CDYL: variants seen among roughly 807,000 people sequenced by gnomAD.
CDYL encodes chromodomain Y-like protein.
CDYL carries 8 observed loss-of-function variants against 47.3 expected under a neutral mutation model. The ratio of observed to expected loss-of-function variants is 0.17; its 90% CI spans 0.10 to 0.31. CDYL has a LOEUF of 0.31. Among genes scored for constraint, CDYL ranks in the 10% least tolerant of loss-of-function variants. CDYL has a pLI of 1.00. For synonymous variants in CDYL, 266 were observed against 265.0 expected, an observed-to-expected ratio of 1.00 and a Z score of -0.04; for missense variants, 471 against 701.4, an observed-to-expected ratio of 0.67 and a Z score of 3.71.
chr6:4,809,291 G>A (rs1484652591), intron 1 of CDYL, among the ~76,000 whole-genome samples: 1 of 152,194 alleles, frequency 6.6e-6, no homozygotes, highest in African/African-American at 2.4e-5. Context: ...TTAAAAAATA[G>A]CCACTCCTTC....
chr6:4,937,084 C>T lies in CDYL; in HGVS notation c.949-481C>T, dbSNP rs189456174. ...TAATAAAATGCTTTTAGGCAGGGTG[C>T]GGTGGCTAATGCATGTAATCCCAGC... On this transcript the variant is annotated intron_variant, in intron 3 of 6. Coordinates refer to ENST00000397588, the MANE Select transcript of CDYL (RefSeq NM_004824.4). 5.3e-5 allele frequency among the ~76,000 whole-genome samples: 8 copies of T among 152,224 alleles called. No homozygotes were observed. In the East Asian group the frequency reaches 1.2e-3, roughly 22 times the overall value.
intron 2 of CDYL, among the ~76,000 whole-genome samples, chr6:4,934,466 T>G (rs1291084359): frequency 2.0e-5 from 3 of 152,240 alleles, no homozygotes; most frequent in Non-Finnish European, 4.4e-5. Context: ...TGGCTTTGGC[T>G]TATTCTCTTT....
At position 4,873,929 on chromosome 6, in the gene CDYL, C is replaced by T. The variant is rs568377223; in HGVS notation, c.25-17784C>T. On this transcript the variant is annotated intron_variant, in intron 1 of 6. Coordinates refer to ENST00000397588, the MANE Select transcript of CDYL (RefSeq NM_004824.4). ...GTTCCCGCCTTCTGCCTGTCTGTAC[C>T]TGGGTACACATGTGCGTGTCTTTTG... is the stretch of plus-strand genomic sequence containing the variant. Among the ~76,000 whole-genome samples, 11 of 152,320 alleles carry T rather than the reference C, an allele frequency of 7.2e-5. No individual in the cohort carries two copies. In the South Asian group the frequency reaches 1.4e-3, roughly 20 times the overall value.
chr6:4,788,663 C>T (rs1055871716), intron 1 of CDYL, among the ~76,000 whole-genome samples: 31 of 151,564 alleles, frequency 2.0e-4, no homozygotes, highest in African/African-American at 7.5e-4. Flanking sequence ...TTCCTGAGCC[C>T]TCACTCTCCT....
At chr6:4,723,748 C>T (rs1757421353) in intron 2 of CDYL, among the ~76,000 whole-genome samples, 1 of 152,216 alleles carries the variant, frequency 6.6e-6, no homozygotes, top group South Asian at 2.1e-4. Context: ...GGCACACAAA[C>T]AACACATAAG....
At chr6:4,731,362 A>G (rs1392107423) in intron 2 of CDYL, among the ~76,000 whole-genome samples, 1 of 152,198 alleles carries the variant, frequency 6.6e-6, no homozygotes, top group Non-Finnish European at 1.5e-5. Flanking sequence ...GTATTAAACT[A>G]CCTAAATAGC....
At chr6:4,753,822 T>G (rs931479605) in intron 3 of CDYL, among the ~76,000 whole-genome samples, 2 of 152,194 alleles carry the variant, frequency 1.3e-5, no homozygotes, top group African/African-American at 4.8e-5. Flanking sequence ...ATCTTATGAT[T>G]AAAGTATCAG....
chr6:4,825,640 A>G (rs1036145750), intron 1 of CDYL, among the ~76,000 whole-genome samples: 1 of 152,054 alleles, frequency 6.6e-6, no homozygotes, highest in Non-Finnish European at 1.5e-5. Flanking sequence ...TATTACATTG[A>G]TTGATTTTCT....
rs370951322 is a variant in CDYL at position 4,789,797 on chromosome 6, C to A, written c.24+12990C>A. ...CTTCTCACCTGCCCCTGGGTAGGGC[C>A]CCCGCAGCACTCCATGGAGTAATGG... is the stretch of plus-strand genomic sequence containing the variant. On this transcript the variant is annotated intron_variant, in intron 1 of 6. Coordinates refer to ENST00000397588, the MANE Select transcript of CDYL (RefSeq NM_004824.4). 7.9e-4 allele frequency among the ~76,000 whole-genome samples: 121 copies of A among 152,206 alleles called. 1 individual carries two copies. The highest frequency in any genetic ancestry group is 2.6e-3 in the African/African-American group (106 of 41,440).
chr6:4,855,125 T>G (rs1188769544), intron 1 of CDYL, among the ~76,000 whole-genome samples: 2 of 152,164 alleles, frequency 1.3e-5, no homozygotes, highest in South Asian at 2.1e-4. Context: ...AGATTGACTA[T>G]ATAGATAGAT....
At chr6:4,802,955 C>G (rs1014463981) in intron 1 of CDYL, among the ~76,000 whole-genome samples, 1 of 152,152 alleles carries the variant, frequency 6.6e-6, no homozygotes, top group Non-Finnish European at 1.5e-5. Flanking sequence ...CTCTCCTTCC[C>G]CATCCATCTG....
At chr6:4,837,470 T>TG (rs1345223194) in intron 1 of CDYL, among the ~76,000 whole-genome samples, 3 of 151,156 alleles carry the variant, frequency 2.0e-5, no homozygotes, top group African/African-American at 7.3e-5. Context: ...GTCGTTGTTT[T>TG]TTTTTTTTTT....
At chr6:4,856,838 T>C (rs757451568) in intron 1 of CDYL, among the ~76,000 whole-genome samples, 35 of 152,180 alleles carry the variant, frequency 2.3e-4, no homozygotes, top group Admixed American at 5.9e-4. Context: ...AATAGAATCA[T>C]TAGTTAACAA....
At chr6:4,811,460 T>A (rs888941729) in intron 1 of CDYL, among the ~76,000 whole-genome samples, 2 of 152,196 alleles carry the variant, frequency 1.3e-5, no homozygotes, top group African/African-American at 4.8e-5. Flanking sequence ...GGATTCTTGT[T>A]TGAGGAGAGG....
intron 2 of CDYL, among the ~76,000 whole-genome samples, chr6:4,896,048 C>T (rs889119234): frequency 1.3e-5 from 2 of 152,194 alleles, no homozygotes; most frequent in African/African-American, 4.8e-5. Context: ...CTCACTTCTG[C>T]CTGGGCGCTG....
At chr6:4,883,069 G>T (rs1029504623) in intron 1 of CDYL, among the ~76,000 whole-genome samples, 1 of 152,148 alleles carries the variant, frequency 6.6e-6, no homozygotes, top group African/African-American at 2.4e-5. Flanking sequence ...AAATTGCCTT[G>T]TCCCTCTTGC....
At chr6:4,866,968 G>C (rs1399556430) in intron 1 of CDYL, among the ~76,000 whole-genome samples, 1 of 151,920 alleles carries the variant, frequency 6.6e-6, no homozygotes, top group Non-Finnish European at 1.5e-5. Context: ...TTATTTTCAA[G>C]CTATCATGAA....
At chr6:4,745,936 A>C (rs911444045) in intron 3 of CDYL, among the ~76,000 whole-genome samples, 1 of 152,176 alleles carries the variant, frequency 6.6e-6, no homozygotes, top group African/African-American at 2.4e-5. Flanking sequence ...GATAACCAGA[A>C]TGTGGGAGCC....
At chr6:4,874,760 C>T (rs1168184878) in intron 1 of CDYL, among the ~76,000 whole-genome samples, 1 of 152,184 alleles carries the variant, frequency 6.6e-6, no homozygotes, top group East Asian at 1.9e-4. Context: ...TTCTCATGTC[C>T]CTTTCCACAG....
Sources: allele counts gnomAD v4.1 joint callset (sites outside exome capture counted in the v4.1 genomes callset), GRCh38; gene constraint gnomAD v4.1.1; transcripts MANE v1.5; gene names NCBI Gene and HGNC (gene_info 2026-07-23, HGNC 2026-07-21).